Variants in LMO2 observed in about 807,000 individuals in gnomAD.
LMO2 encodes LIM domain only 2.
A neutral mutation model predicts 23.2 loss-of-function variants in LMO2; 20 were observed. The ratio of observed to expected loss-of-function variants is 0.86; its 90% CI spans 0.61 to 1.25. The LOEUF is 1.25. Among genes scored for constraint, LMO2 ranks in the 50% most tolerant of loss-of-function variants. The probability of loss-of-function intolerance (pLI) is 0.00; values close to 1 mark genes in which losing one functional copy is unlikely to be tolerated. For synonymous variants in LMO2, 123 were observed against 130.2 expected (o/e 0.94, Z 0.38); for missense variants, 270 against 315.3 (o/e 0.86, Z 1.09).
At chr11:33,881,227 A>G in intron 2 of LMO2, 1 of 457,212 alleles carries the variant, frequency 2.2e-6, no homozygotes, top group Non-Finnish European at 4.4e-6. Flanking sequence ...CACGCTTTCA[A>G]GCTACAGTGC....
chr11:33,888,310 G>T (rs1310724682), intron 1 of LMO2, among the ~76,000 whole-genome samples: 1 of 152,160 alleles, frequency 6.6e-6, no homozygotes, highest in Non-Finnish European at 1.5e-5. Flanking sequence ...CTGTGCCACT[G>T]CCAGGGGGAT....
At chr11:33,884,244 C>A (rs1299977082) in intron 1 of LMO2, among the ~76,000 whole-genome samples, 1 of 151,820 alleles carries the variant, frequency 6.6e-6, no homozygotes, top group African/African-American at 2.4e-5. Flanking sequence ...GGACAGGGGC[C>A]CACCTGTTGA....
At chr11:33,862,949 T>TC (rs1856638102) in intron 5 of LMO2, among the ~76,000 whole-genome samples, 1 of 151,710 alleles carries the variant, frequency 6.6e-6, no homozygotes, top group Non-Finnish European at 1.5e-5. Flanking sequence ...CCCAGACTGT[T>TC]TTTTTTTTCC....
chr11:33,873,271 ACTTTGGGT>A (rs1565031313), intron 2 of LMO2, among the ~76,000 whole-genome samples: 1 of 152,164 alleles, frequency 6.6e-6, no homozygotes, highest in Non-Finnish European at 1.5e-5. Flanking sequence ...ACTGCATATG[ACTTTGGGT>A]CAGTTTCTTA....
At chr11:33,868,177 TATG>T (rs1311588629) in intron 4 of LMO2, among the ~76,000 whole-genome samples, 1 of 152,212 alleles carries the variant, frequency 6.6e-6, no homozygotes, top group Non-Finnish European at 1.5e-5. Flanking sequence ...TTTATGAGAA[TATG>T]TTGAGCTTTT....
At chr11:33,865,536 T>C (rs1279702997) in intron 4 of LMO2, among the ~76,000 whole-genome samples, 1 of 152,270 alleles carries the variant, frequency 6.6e-6, no homozygotes, top group Non-Finnish European at 1.5e-5. Flanking sequence ...GTAAGGCCAT[T>C]GTTACACGAA....
At position 33,869,043 on chromosome 11, in the gene LMO2, C is replaced by T. The variant is rs116131875; in HGVS notation, c.248+303G>A. On this transcript the variant is annotated intron_variant, in intron 4 of 5. Coordinates refer to ENST00000257818, the MANE Select transcript of LMO2 (RefSeq NM_005574.4). ...CACCTGCGCGCCTCCAGGCTCTCCTCGTGCCTGCTCCCGTGCAAACTTTCT... is the reference window on the plus strand; with the variant it reads ...CACCTGCGCGCCTCCAGGCTCTCCTTGTGCCTGCTCCCGTGCAAACTTTCT... Among the ~76,000 whole-genome samples, 439 of 152,328 alleles carry T rather than the reference C, an allele frequency of 2.9e-3. 2 individuals carry two copies. Among genetic ancestry groups the T allele is most frequent in the African/African-American group, 0.01 (421 of 41,568 alleles).
chr11:33,886,027 C>G (rs566887465), intron 1 of LMO2, among the ~76,000 whole-genome samples: 2 of 152,294 alleles, frequency 1.3e-5, no homozygotes, highest in East Asian at 3.9e-4. Context: ...AGGTGCCCAC[C>G]ACCAAGCTTG....
At chr11:33,878,507 A>G (rs1857190144) in intron 2 of LMO2, among the ~76,000 whole-genome samples, 1 of 152,222 alleles carries the variant, frequency 6.6e-6, no homozygotes, top group African/African-American at 2.4e-5. Context: ...AGACAATGAT[A>G]AATGTAGGGT....
At chr11:33,888,644 G>C (rs1320871020) in intron 1 of LMO2, among the ~76,000 whole-genome samples, 2 of 152,160 alleles carry the variant, frequency 1.3e-5, no homozygotes, top group African/African-American at 4.8e-5. Flanking sequence ...ACCCGGGCCA[G>C]CGCATTCCAT....
Position 33,859,185 on chromosome 11 carries a change from GA to G in LMO2, c.*170del, listed in dbSNP as rs1296686376. ...CTGTCACCTTGAAGTGTCAGCCCCT[GA>G]ATTATGCCACTTGGATGCTATGTCT... On this transcript the variant is annotated 3_prime_UTR_variant, in exon 6 of 6. Transcript: ENST00000257818. 1 of 585,322 alleles carries G rather than the reference GA, an allele frequency of 1.7e-6. No individual in the cohort carries two copies. Among genetic ancestry groups the G allele is most frequent in the African/African-American group, 1.9e-5 (1 of 53,576 alleles). 36.3% of individuals were successfully genotyped at this position (585,322 alleles called of 1,614,324 possible). A position where few individuals can be genotyped will look rare whatever the true frequency, so the allele number is the denominator to read the frequency against.
intron 5 of LMO2, among the ~76,000 whole-genome samples, chr11:33,861,470 G>C (rs2133685508): frequency 6.6e-6 from 1 of 152,314 alleles, no homozygotes; most frequent in East Asian, 1.9e-4. Context: ...TCTGAATCCT[G>C]CTTTCCATTT....
At chr11:33,874,653 A>G (rs79378579) in intron 2 of LMO2, among the ~76,000 whole-genome samples, 2,879 of 152,338 alleles carry the variant, frequency 0.019, 49 homozygotes, top group Non-Finnish European at 0.033. Flanking sequence ...ACATCCACCA[A>G]AGAGTGCTGA....
rs1426385409 is a variant in LMO2 at position 33,862,770 on chromosome 11, C to A, written c.464+1832G>T. Among the ~76,000 whole-genome samples, 3 of 152,150 alleles carry A rather than the reference C, an allele frequency of 2.0e-5. No homozygotes were observed. In the East Asian group the frequency reaches 5.8e-4, roughly 29 times the overall value. On this transcript the variant is annotated intron_variant, in intron 5 of 5. Transcript: ENST00000257818. ...ATTTTTCTCCTCTGTCAAGAGATGT[C>A]CCATCTTAAGCTCTCTGCTGCCCAT...
rs1269098116 is a variant in LMO2 at position 33,864,537 on chromosome 11, C to T, written c.464+65G>A. ...CAGGGTAAGGGGCAACACACACCGA[C>T]TGCAGATGTCCATGGACCACCCAGC... On this transcript the variant is annotated intron_variant, in intron 5 of 5. Coordinates refer to ENST00000257818, the MANE Select transcript of LMO2 (RefSeq NM_005574.4). This position sits in a 1 kb window ranked among gnomAD's most constrained non-coding sequence, Gnocchi z 4.8. The T allele has an allele frequency of 5.1e-6, 7 of 1,368,782 alleles. No homozygotes were observed. Among genetic ancestry groups the T allele is most frequent in the Non-Finnish European group, 7.1e-6 (7 of 985,442 alleles). The allele number at this position is 1,368,782 out of a possible 1,614,324, so 84.8% of individuals were successfully genotyped here.
In LMO2 at chr11:33,869,883, TA is replaced by T; in HGVS notation, c.-168del. ...CGAGGGCAGAGAGGGGGCGGCGGCC[TA>T]GGGGCGGGGAGGGGACCGTGCGTCT... On this transcript the variant is annotated 5_prime_UTR_variant, in exon 3 of 6. Coordinates refer to ENST00000257818, the MANE Select transcript of LMO2 (RefSeq NM_005574.4). 1 of 1,050,638 alleles carries T rather than the reference TA, an allele frequency of 9.5e-7. No individual in the cohort carries two copies. Among genetic ancestry groups the T allele is most frequent in the Non-Finnish European group, 1.1e-6 (1 of 872,184 alleles). The allele number at this position is 1,050,638 out of a possible 1,614,324, so 65.1% of individuals were successfully genotyped here.
intron 1 of LMO2, among the ~76,000 whole-genome samples, chr11:33,888,181 A>G (rs1347754386): frequency 6.6e-6 from 1 of 152,206 alleles, no homozygotes; most frequent in Non-Finnish European, 1.5e-5. Context: ...TGCTCTATGC[A>G]TACTCACGCA....
At position 33,880,180 on chromosome 11, in the gene LMO2, G is replaced by T. The variant is rs1474127829; in HGVS notation, c.-272+1644C>A. On this transcript the variant is annotated intron_variant, in intron 2 of 5. Coordinates refer to ENST00000257818, the MANE Select transcript of LMO2 (RefSeq NM_005574.4). This position sits in a 1 kb window ranked among gnomAD's most constrained non-coding sequence, Gnocchi z 4.3. ...ATATATACATATGATATATACACAT[G>T]ATATATATATCATATATACACATGA... Among the ~76,000 whole-genome samples, 1 of 23,960 alleles carries T rather than the reference G, an allele frequency of 4.2e-5. No homozygotes were observed. The highest frequency in any genetic ancestry group is 1.0e-4 in the African/African-American group (1 of 10,044). 15.7% of individuals were successfully genotyped at this position (23,960 alleles called of 152,430 possible). A position where few individuals can be genotyped will look rare whatever the true frequency, so the allele number is the denominator to read the frequency against.
intron 1 of LMO2, among the ~76,000 whole-genome samples, chr11:33,885,303 C>T (rs1857379675): frequency 6.6e-6 from 1 of 152,170 alleles, no homozygotes; most frequent in Non-Finnish European, 1.5e-5. Context: ...AAGATACAAG[C>T]ATAGGCATGT....
Sources: allele counts gnomAD v4.1 joint callset (sites outside exome capture counted in the v4.1 genomes callset), GRCh38; gene constraint gnomAD v4.1.1; non-coding constraint Gnocchi (gnomAD v3.1); transcripts MANE v1.5; gene names NCBI Gene and HGNC (gene_info 2026-07-23, HGNC 2026-07-21).